CACNA2D3: variants seen among roughly 807,000 people sequenced by gnomAD.
The protein encoded by CACNA2D3 is voltage-dependent calcium channel subunit alpha-2/delta-3.
Under a neutral mutation model 160.6 loss-of-function variants are expected in CACNA2D3, and 60 were observed. The ratio of observed to expected loss-of-function variants is 0.37; its 90% CI spans 0.30 to 0.46. The LOEUF is 0.46. Ranked by LOEUF, CACNA2D3 falls within the 20% of genes least tolerant of loss-of-function variation. The pLI is 1.00. For synonymous variants in CACNA2D3, 558 were observed against 492.9 expected (o/e 1.13, Z -1.75); for missense variants, 1,205 against 1,365.0 (o/e 0.88, Z 1.85).
intron 3 of CACNA2D3, among the ~76,000 whole-genome samples, chr3:54,360,160 C>A (rs1033127567): frequency 6.6e-5 from 10 of 152,104 alleles, no homozygotes; most frequent in African/African-American, 2.4e-4. Context: ...ATCATCTTTG[C>A]ACTGAAACTG....
chr3:54,491,161 G>A (rs955071730), intron 4 of CACNA2D3, among the ~76,000 whole-genome samples: 4 of 152,080 alleles, frequency 2.6e-5, no homozygotes, highest in African/African-American at 7.2e-5. Context: ...AGATCTTTCC[G>A]CCAGGCTGGA....
chr3:54,588,180 TCTA>T (rs774033090), intron 9 of CACNA2D3, among the ~76,000 whole-genome samples: 19 of 152,298 alleles, frequency 1.2e-4, no homozygotes, highest in Admixed American at 7.2e-4. Flanking sequence ...ATCAATGTAA[TCTA>T]CTATATCAAC....
At chr3:54,473,781 A>T (rs1047248495) in intron 4 of CACNA2D3, among the ~76,000 whole-genome samples, 4 of 152,262 alleles carry the variant, frequency 2.6e-5, no homozygotes, top group African/African-American at 9.6e-5. Flanking sequence ...ACATATGAAA[A>T]AAAGCTCATC....
At chr3:54,147,040 A>G (rs1171532792) in intron 2 of CACNA2D3, among the ~76,000 whole-genome samples, 1 of 152,202 alleles carries the variant, frequency 6.6e-6, no homozygotes, top group Non-Finnish European at 1.5e-5. Context: ...TAGATTTCCA[A>G]TTTGCCTTTT....
intron 13 of CACNA2D3, among the ~76,000 whole-genome samples, chr3:54,801,093 T>A (rs1174146958): frequency 6.6e-6 from 1 of 151,870 alleles, no homozygotes; most frequent in Admixed American, 6.6e-5. Context: ...CTCAACAGAT[T>A]CTAACGCCTC....
intron 27 of CACNA2D3, among the ~76,000 whole-genome samples, chr3:54,920,058 C>G (rs1161311006): frequency 1.3e-5 from 2 of 152,176 alleles, no homozygotes; most frequent in Non-Finnish European, 2.9e-5. Context: ...TAAGCACCTC[C>G]CCTAGGCCAG....
intron 31 of CACNA2D3, among the ~76,000 whole-genome samples, chr3:55,002,185 T>G (rs1354017409): frequency 6.7e-6 from 1 of 149,458 alleles, no homozygotes; most frequent in East Asian, 2.0e-4. Context: ...GAATGTACCC[T>G]GTATATACGA....
At chr3:54,668,091 C>A (rs1700100513) in intron 11 of CACNA2D3, among the ~76,000 whole-genome samples, 2 of 152,090 alleles carry the variant, frequency 1.3e-5, no homozygotes, top group South Asian at 4.1e-4. Context: ...TTAAGAAAAA[C>A]TATTTTAAGA....
At chr3:54,653,788 T>C (rs1388289418) in intron 11 of CACNA2D3, among the ~76,000 whole-genome samples, 1 of 152,222 alleles carries the variant, frequency 6.6e-6, no homozygotes, top group Admixed American at 6.5e-5. Flanking sequence ...GTGGTTTCTC[T>C]TCCTGGGTGT....
chr3:54,149,294 CACACAT>C (rs913405073), intron 2 of CACNA2D3, among the ~76,000 whole-genome samples: 5 of 151,900 alleles, frequency 3.3e-5, no homozygotes, highest in African/African-American at 1.2e-4. Context: ...CACACACACA[CACACAT>C]ATGTGTGGAG....
chr3:54,471,214 G>A (rs1292966911), intron 4 of CACNA2D3, among the ~76,000 whole-genome samples: 2 of 152,140 alleles, frequency 1.3e-5, no homozygotes, highest in Non-Finnish European at 2.9e-5. Context: ...TCAGACCACA[G>A]TGCAATCAAA....
At chr3:54,574,214 G>A (rs1702546128) in intron 8 of CACNA2D3, among the ~76,000 whole-genome samples, 1 of 152,082 alleles carries the variant, frequency 6.6e-6, no homozygotes, top group Admixed American at 6.6e-5. Flanking sequence ...TATTTTCAGT[G>A]CCGGAAGCCC....
At chr3:55,044,272 T>C (rs1292957368) in intron 35 of CACNA2D3, among the ~76,000 whole-genome samples, 1 of 152,210 alleles carries the variant, frequency 6.6e-6, no homozygotes, top group Non-Finnish European at 1.5e-5. Flanking sequence ...TCAGTTGTCT[T>C]TGTTTTTTCA....
At chr3:54,409,637 A>G (rs1204676428) in intron 4 of CACNA2D3, among the ~76,000 whole-genome samples, 1 of 152,232 alleles carries the variant, frequency 6.6e-6, no homozygotes, top group Non-Finnish European at 1.5e-5. Flanking sequence ...TGTGAGAGCA[A>G]AGGAAAAGCC....
intron 4 of CACNA2D3, among the ~76,000 whole-genome samples, chr3:54,430,008 AC>A (rs1699966100): frequency 6.6e-6 from 1 of 152,186 alleles, no homozygotes; most frequent in Non-Finnish European, 1.5e-5. Context: ...ATAAATGTGT[AC>A]TTGACTATAT....
chr3:54,444,264 CT>C (rs539754843), intron 4 of CACNA2D3, among the ~76,000 whole-genome samples: 1 of 152,280 alleles, frequency 6.6e-6, no homozygotes, highest in African/African-American at 2.4e-5. Context: ...TCCCAGACAC[CT>C]TTTTTTCTAG....
chr3:54,889,834 G>A (rs1700015455), intron 24 of CACNA2D3, among the ~76,000 whole-genome samples: 1 of 152,164 alleles, frequency 6.6e-6, no homozygotes, highest in African/African-American at 2.4e-5. Context: ...ACCTTGTAGT[G>A]TTTCTTTTCG....
At chr3:54,211,884 T>C (rs966709418) in intron 2 of CACNA2D3, among the ~76,000 whole-genome samples, 1 of 152,166 alleles carries the variant, frequency 6.6e-6, no homozygotes, top group Admixed American at 6.5e-5. Context: ...TTTTTAGGTA[T>C]TAGATTTGTT....
At chr3:54,288,234 G>A (rs1334857115) in intron 2 of CACNA2D3, among the ~76,000 whole-genome samples, 2 of 152,156 alleles carry the variant, frequency 1.3e-5, no homozygotes, top group South Asian at 4.2e-4. Flanking sequence ...AAAATGATAA[G>A]GGGGATATCA....
Sources: gnomAD v4.1 joint callset for allele counts (sites outside exome capture counted in the v4.1 genomes callset) on GRCh38, gnomAD v4.1.1 for gene constraint, MANE v1.5 for transcripts, NCBI Gene and HGNC (gene_info 2026-07-23, HGNC 2026-07-21) for gene names.